SLC23A2: variants seen among roughly 807,000 people sequenced by gnomAD.
SLC23A2 encodes the protein Na(+)/L-ascorbic acid transporter 2.
A neutral mutation model predicts 73.3 loss-of-function variants in SLC23A2; 36 were observed. The observed-to-expected ratio is 0.49, with a 90% CI of 0.38 to 0.65. The LOEUF is 0.65. SLC23A2 is among the 30% of genes least tolerant of loss of function. The pLI, the probability that SLC23A2 is intolerant of heterozygous loss-of-function variation, is 0.00. For missense variants in SLC23A2, 507 were observed against 841.6 expected, an observed-to-expected ratio of 0.60 and a Z score of 4.92; for synonymous variants, 343 against 327.3, an observed-to-expected ratio of 1.05 and a Z score of -0.52.
intron 2 of SLC23A2, among the ~76,000 whole-genome samples, chr20:4,935,347 C>T (rs1328002220): frequency 6.6e-6 from 1 of 152,104 alleles, no homozygotes; most frequent in Admixed American, 6.6e-5. Flanking sequence ...GCCTAAAATG[C>T]CACATCCAGA....
At chr20:4,923,337 C>T (rs767489051) in intron 3 of SLC23A2, among the ~76,000 whole-genome samples, 1 of 152,078 alleles carries the variant, frequency 6.6e-6, no homozygotes, top group East Asian at 1.9e-4. Flanking sequence ...TGCATCCCAT[C>T]GTTTTGATGT....
At chr20:4,859,461 G>A (rs916582737) in intron 15 of SLC23A2, 77 bp from the exon 16 acceptor site, 3 of 898,650 alleles carry the variant, frequency 3.3e-6, no homozygotes, top group Admixed American at 1.7e-5. Flanking sequence ...AAGGGGCAAT[G>A]GTGTGGGCAG....
intron 2 of SLC23A2, among the ~76,000 whole-genome samples, chr20:4,936,821 T>G (rs570665877): frequency 6.6e-6 from 1 of 152,302 alleles, no homozygotes; most frequent in South Asian, 2.1e-4. Flanking sequence ...GAACCACTAA[T>G]GCACTTCACC....
chr20:4,869,405 T>TAAAA lies in SLC23A2; in HGVS notation c.1250+497_1250+500dup, dbSNP rs199826860. On this transcript the variant is annotated intron_variant, in intron 12 of 16. Coordinates refer to ENST00000338244, the MANE Select transcript of SLC23A2 (RefSeq NM_005116.6). ...CTGGGAAGAAAAATTTCAGTTTGTG[T>TAAAA]AAAAAAAAAAAAAAAAAGAACAGTT... is the stretch of plus-strand genomic sequence containing the variant. Among the ~76,000 whole-genome samples the TAAAA allele has an allele frequency of 4.3e-3, 505 of 118,794 alleles. 2 individuals carry two copies. The highest frequency in any genetic ancestry group is 0.022 in the Middle Eastern group (5 of 226). The allele number at this position is 118,794 out of a possible 152,430, so 77.9% of individuals were successfully genotyped here.
At chr20:5,006,377 C>T (rs1049626778), upstream of SLC23A2, among the ~76,000 whole-genome samples, 4 of 151,556 alleles carry the variant, frequency 2.6e-5, no homozygotes, top group Non-Finnish European at 4.4e-5. Flanking sequence ...GAATTACAGG[C>T]GTGAGCCACC....
At chr20:4,878,944 C>T (rs1930766686) in intron 9 of SLC23A2, among the ~76,000 whole-genome samples, 1 of 152,088 alleles carries the variant, frequency 6.6e-6, no homozygotes, top group Admixed American at 6.6e-5. Context: ...TGGTATGGGT[C>T]CACATTATTT....
At chr20:4,957,951 A>C (rs1442142444) in intron 2 of SLC23A2, among the ~76,000 whole-genome samples, 2 of 152,182 alleles carry the variant, frequency 1.3e-5, no homozygotes. Context: ...CAGACACTTA[A>C]AGCCTGGCCA....
chr20:4,896,637 G>T (rs1018915150), intron 6 of SLC23A2, among the ~76,000 whole-genome samples: 1 of 152,174 alleles, frequency 6.6e-6, no homozygotes, highest in Non-Finnish European at 1.5e-5. Flanking sequence ...TGAGACTGGG[G>T]AATGAGTTCA....
chr20:5,004,779 C>G (rs1381196366), upstream of SLC23A2, among the ~76,000 whole-genome samples: 1 of 152,196 alleles, frequency 6.6e-6, no homozygotes, highest in Admixed American at 6.5e-5. Context: ...GCAGGTGGAT[C>G]ACCTGAGGTC....
chr20:4,921,455 G>A (rs1370761108), intron 3 of SLC23A2, among the ~76,000 whole-genome samples: 1 of 152,000 alleles, frequency 6.6e-6, no homozygotes, highest in East Asian at 1.9e-4. Flanking sequence ...GCGTGGTGGT[G>A]CATGCCTGTA....
In SLC23A2 at chr20:4,857,332, ACAC is replaced by A. The variant is rs1411105304; in HGVS notation, c.1721-131_1721-129del. ...CACACACACACACACACACACACACACACATGGTCCCACAGATCAAACCTGCCT... is the reference window on the plus strand; with the variant it reads ...CACACACACACACACACACACACACAATGGTCCCACAGATCAAACCTGCCT... On this transcript the variant is annotated intron_variant, in intron 16 of 16. Coordinates refer to ENST00000338244, the MANE Select transcript of SLC23A2 (RefSeq NM_005116.6). This position sits in a 1 kb window ranked among gnomAD's most constrained non-coding sequence, Gnocchi z 4.0. 1.1e-5 allele frequency: 6 copies of A among 534,150 alleles called. No homozygotes were observed. The highest frequency in any genetic ancestry group is 1.9e-5 in the Non-Finnish European group (6 of 309,632). 33.1% of individuals were successfully genotyped at this position (534,150 alleles called of 1,614,324 possible). A position where few individuals can be genotyped will look rare whatever the true frequency, so the allele number is the denominator to read the frequency against.
chr20:5,004,935 G>A (rs1351903463), upstream of SLC23A2, among the ~76,000 whole-genome samples: 1 of 151,842 alleles, frequency 6.6e-6, no homozygotes, highest in Non-Finnish European at 1.5e-5. Flanking sequence ...GGAGGTGGAG[G>A]TTGCGGTGAG....
chr20:4,932,861 C>T (rs1456525806), intron 2 of SLC23A2, 145 bp from the exon 3 acceptor site: 3 of 256,050 alleles, frequency 1.2e-5, no homozygotes, highest in African/African-American at 6.7e-5. Context: ...TTACAGTTTT[C>T]AGGCACCCAA....
At chr20:4,895,701 C>A (rs970230147) in intron 6 of SLC23A2, among the ~76,000 whole-genome samples, 1 of 152,042 alleles carries the variant, frequency 6.6e-6, no homozygotes, top group Non-Finnish European at 1.5e-5. Context: ...GGTTTGATAC[C>A]CAAGGGGTTA....
rs2122944519 is a variant in SLC23A2, at chr20:4,932,464, G to A, written c.99C>T (p.Phe33=). The A allele has an allele frequency of 1.1e-5, 17 of 1,566,764 alleles. No homozygotes were observed. Among genetic ancestry groups the A allele is most frequent in the Non-Finnish European group, 1.5e-5 (17 of 1,136,656 alleles). The change falls in exon 3 of 17, where the codon TTC becomes TTT. Residue 33 remains phenylalanine (F), a synonymous_variant. Transcript: ENST00000338244. ...YEDEAKHPAF[F]TLPVVINGGA... is the part of the protein sequence containing the mutation. Reference sequence around the variant, plus strand: ...TGGGGAATATGATTACCGGAAGAGTGAAGAAAGCTGGGTGCTTTGCCTCGT... The same window carrying A: ...TGGGGAATATGATTACCGGAAGAGTAAAGAAAGCTGGGTGCTTTGCCTCGT...
intron 3 of SLC23A2, among the ~76,000 whole-genome samples, chr20:4,917,139 T>G (rs754667910): frequency 6.6e-6 from 1 of 152,164 alleles, no homozygotes. Context: ...GGAATTCCGC[T>G]GTTACACAGG....
chr20:4,857,797 G>A lies in SLC23A2; in HGVS notation c.1721-593C>T, dbSNP rs188533979. 6.6e-6 allele frequency among the ~76,000 whole-genome samples: 1 copy of A among 152,206 alleles called. No homozygotes were observed. The highest frequency in any genetic ancestry group is 2.4e-5 in the African/African-American group (1 of 41,534). On this transcript the variant is annotated intron_variant, in intron 16 of 16. Transcript: ENST00000338244. This position sits in a 1 kb window ranked among gnomAD's most constrained non-coding sequence, Gnocchi z 4.0. ...AATACAAAAATTAGCTGGGCGTGGT[G>A]GTGCATGCCTGTAATCTTAACTACT...
intron 3 of SLC23A2, among the ~76,000 whole-genome samples, chr20:4,914,195 A>G (rs1467142046): frequency 6.6e-6 from 1 of 151,790 alleles, no homozygotes; most frequent in African/African-American, 2.4e-5. Context: ...GGTCAGTATC[A>G]ATATGCGTAA....
At chr20:4,946,901 T>C (rs1270822227) in intron 2 of SLC23A2, among the ~76,000 whole-genome samples, 1 of 152,214 alleles carries the variant, frequency 6.6e-6, no homozygotes, top group African/African-American at 2.4e-5. Flanking sequence ...AACCTAATGC[T>C]ATAGCAAACA....
Sources: gnomAD v4.1 joint callset for allele counts (sites outside exome capture counted in the v4.1 genomes callset) on GRCh38, gnomAD v4.1.1 for gene constraint, Gnocchi (gnomAD v3.1) non-coding constraint, MANE v1.5 for transcripts, NCBI Gene and HGNC (gene_info 2026-07-23, HGNC 2026-07-21) for gene names.